Variants in SSBP3 observed in about 807,000 individuals in gnomAD.
The protein encoded by SSBP3 is single stranded DNA binding protein 3, also known as single-stranded DNA-binding protein 3.
A neutral mutation model predicts 69.6 loss-of-function variants in SSBP3; 5 were observed. That is an observed-to-expected ratio of 0.07 (90% confidence interval 0.04 to 0.15). The LOEUF is 0.15. Among genes scored for constraint, SSBP3 ranks in the 10% least tolerant of loss-of-function variants. The probability of loss-of-function intolerance (pLI) is 1.00; values close to 1 mark genes in which losing one functional copy is unlikely to be tolerated. For synonymous variants in SSBP3, 196 were observed against 193.4 expected, an observed-to-expected ratio of 1.01 and a Z score of -0.11; for missense variants, 312 against 534.0, an observed-to-expected ratio of 0.58 and a Z score of 4.10.
chr1:54,392,808 C>T (rs1445836855), intron 4 of SSBP3, among the ~76,000 whole-genome samples: 2 of 152,176 alleles, frequency 1.3e-5, no homozygotes, highest in Non-Finnish European at 2.9e-5. Context: ...AGCTTTCATT[C>T]CAGAAAGGGG....
intron 4 of SSBP3, among the ~76,000 whole-genome samples, chr1:54,368,315 C>T (rs1647062305): frequency 6.7e-6 from 1 of 150,326 alleles, no homozygotes; most frequent in Admixed American, 6.6e-5. Flanking sequence ...AAAAGAAAAC[C>T]TTAATGACAT....
intron 4 of SSBP3, among the ~76,000 whole-genome samples, chr1:54,318,863 G>GT (rs1338254160): frequency 2.0e-5 from 3 of 152,216 alleles, no homozygotes; most frequent in Non-Finnish European, 4.4e-5. Flanking sequence ...TAGTGAGAGA[G>GT]TAACAGGAGG....
chr1:54,385,992 C>T (rs1424624368), intron 4 of SSBP3, among the ~76,000 whole-genome samples: 1 of 152,242 alleles, frequency 6.6e-6, no homozygotes, highest in Non-Finnish European at 1.5e-5. Context: ...GGATCACCCA[C>T]AGCTTTAAAT....
chr1:54,225,474 T>C (rs778969428), exon 18 of SSBP3: 158 of 1,175,290 alleles, frequency 1.3e-4, no homozygotes, highest in Non-Finnish European at 1.7e-4. Context: ...TATCAACATA[T>C]ATCGTACACA....
chr1:54,253,174 GT>G (rs5774180), intron 7 of SSBP3, among the ~76,000 whole-genome samples: 3 of 135,108 alleles, frequency 2.2e-5, no homozygotes, highest in Non-Finnish European at 3.1e-5. Context: ...ATTTGTTTTT[GT>G]TTTTTTTTTA....
At chr1:54,336,031 G>C (rs907607372) in intron 4 of SSBP3, 1 of 152,244 alleles carries the variant, frequency 6.6e-6, no homozygotes, top group African/African-American at 2.4e-5. Context: ...GGCTTCGACC[G>C]ATTACTTAAC....
intron 5 of SSBP3, among the ~76,000 whole-genome samples, chr1:54,273,859 A>C (rs1645238922): frequency 6.6e-6 from 1 of 152,220 alleles, no homozygotes; most frequent in South Asian, 2.1e-4. Flanking sequence ...GTCAGTTTGG[A>C]ACAGGTGGGG....
At chr1:54,396,352 C>T (rs1411457059) in intron 4 of SSBP3, among the ~76,000 whole-genome samples, 1 of 152,030 alleles carries the variant, frequency 6.6e-6, no homozygotes, top group East Asian at 1.9e-4. Flanking sequence ...AGAATTATTA[C>T]CAAGCTAAAA....
At chr1:54,360,553 A>G (rs1351097092) in intron 4 of SSBP3, among the ~76,000 whole-genome samples, 1 of 152,124 alleles carries the variant, frequency 6.6e-6, no homozygotes, top group African/African-American at 2.4e-5. Context: ...CTGGCCTGGG[A>G]ATGGCTTTGA....
exon 1 of SSBP3, chr1:54,406,283 C>T (rs1363808074): frequency 1.0e-5 from 3 of 293,212 alleles, no homozygotes; most frequent in African/African-American, 2.3e-5. Context: ...CCGCCGCCGC[C>T]CGCACGGCCG....
intron 4 of SSBP3, among the ~76,000 whole-genome samples, chr1:54,319,255 A>G (rs987256003): frequency 3.9e-5 from 6 of 152,178 alleles, no homozygotes; most frequent in Admixed American, 2.0e-4. Flanking sequence ...CAGCTTCTAA[A>G]TGATGAGCCA....
intron 4 of SSBP3, among the ~76,000 whole-genome samples, chr1:54,353,025 C>T (rs1646806317): frequency 6.6e-6 from 1 of 152,152 alleles, no homozygotes; most frequent in South Asian, 2.1e-4. Flanking sequence ...CGCGGGGAGG[C>T]GGCCCGACCG....
intron 11 of SSBP3, 133 bp from the exon 12 acceptor site, chr1:54,241,642 C>T: frequency 2.2e-6 from 2 of 918,358 alleles, no homozygotes; most frequent in Admixed American, 1.9e-5. Flanking sequence ...CCACTTGGTT[C>T]CCCTGGGAGG....
chr1:54,295,808 A>T (rs1363359299), intron 4 of SSBP3, among the ~76,000 whole-genome samples: 1 of 152,064 alleles, frequency 6.6e-6, no homozygotes, highest in Non-Finnish European at 1.5e-5. Flanking sequence ...CTCCATCTGG[A>T]ATGCCCACCT....
chr1:54,305,907 T>A (rs1463803301), intron 4 of SSBP3, among the ~76,000 whole-genome samples: 1 of 150,444 alleles, frequency 6.6e-6, no homozygotes, highest in African/African-American at 2.5e-5. Context: ...GTCACTCTTA[T>A]CTGCAAGCTG....
At chr1:54,324,746 A>G (rs1646271413) in intron 4 of SSBP3, among the ~76,000 whole-genome samples, 1 of 152,168 alleles carries the variant, frequency 6.6e-6, no homozygotes, top group African/African-American at 2.4e-5. Flanking sequence ...AAATTTTTTG[A>G]AAAGTTCTGC....
intron 4 of SSBP3, among the ~76,000 whole-genome samples, chr1:54,349,536 T>G (rs1438124181): frequency 2.0e-5 from 3 of 152,148 alleles, no homozygotes; most frequent in Non-Finnish European, 4.4e-5. Flanking sequence ...TCCCCCCAAA[T>G]GAAGCCAAAA....
chr1:54,277,323 G>A (rs1160416296), intron 5 of SSBP3, among the ~76,000 whole-genome samples: 1 of 151,980 alleles, frequency 6.6e-6, no homozygotes, highest in Admixed American at 6.6e-5. Flanking sequence ...ATTTGAATGG[G>A]GACTTCTTTG....
intron 4 of SSBP3, among the ~76,000 whole-genome samples, chr1:54,388,475 G>A (rs569221527): frequency 6.6e-6 from 1 of 152,224 alleles, no homozygotes; most frequent in African/African-American, 2.4e-5. Context: ...GGTCACTGCT[G>A]TTTCAGAAAC....
Sources: gnomAD v4.1 joint callset for allele counts (sites outside exome capture counted in the v4.1 genomes callset) on GRCh38, gnomAD v4.1.1 for gene constraint, MANE v1.5 for transcripts, NCBI Gene and HGNC (gene_info 2026-07-23, HGNC 2026-07-21) for gene names.